The following FBXW7 variants were observed in gnomAD, a reference collection of about 807,000 sequenced individuals.
FBXW7 encodes F-box and WD repeat domain containing 7, also known as F-box/WD repeat-containing protein 7.
FBXW7 carries 11 observed loss-of-function variants against 86.3 expected under a neutral mutation model. The observed-to-expected ratio is 0.13, with a 90% CI of 0.08 to 0.21. The LOEUF (loss-of-function observed/expected upper bound fraction) is 0.21. Among genes scored for constraint, FBXW7 ranks in the 10% least tolerant of loss-of-function variants. The pLI is 1.00. For synonymous variants in FBXW7, 313 were observed against 297.9 expected (o/e 1.05, Z -0.52); for missense variants, 488 against 847.4 (o/e 0.58, Z 5.27).
intron 2 of FBXW7, among the ~76,000 whole-genome samples, chr4:152,418,778 A>G (rs907488450): frequency 6.6e-6 from 1 of 152,168 alleles, no homozygotes; most frequent in African/African-American, 2.4e-5. Flanking sequence ...TTTTTTATTC[A>G]GCAAACAAGA....
Position 152,321,065 on chromosome 4 carries a change from T to C in FBXW7, c.*1816A>G, listed in dbSNP as rs1183546008. On this transcript the variant is annotated 3_prime_UTR_variant, in exon 14 of 14. Transcript: ENST00000281708. ...CAGTGGAGTGTCCTCCTTCATAGTC[T>C]AGGAGAGAAATAAAATTTGCAGTTG... is the stretch of plus-strand genomic sequence containing the variant. 2 of 178,842 alleles carry C rather than the reference T, an allele frequency of 1.1e-5. No homozygotes were observed. The highest frequency in any genetic ancestry group is 2.4e-5 in the Non-Finnish European group (2 of 83,620). The allele number at this position is 178,842 out of a possible 1,614,324, so 11.1% of individuals were successfully genotyped here. A position where few individuals can be genotyped will look rare whatever the true frequency, so the allele number is the denominator to read the frequency against.
At chr4:152,525,935 G>A (rs1343806644) in intron 2 of FBXW7, among the ~76,000 whole-genome samples, 1 of 152,094 alleles carries the variant, frequency 6.6e-6, no homozygotes, top group Non-Finnish European at 1.5e-5. Flanking sequence ...GTATATAAGT[G>A]TTCCCTTTTC....
chr4:152,452,571 A>G (rs1020743691), intron 2 of FBXW7, among the ~76,000 whole-genome samples: 26 of 152,230 alleles, frequency 1.7e-4, no homozygotes, highest in Admixed American at 1.5e-3. Flanking sequence ...TAAGTAGTAG[A>G]ACAACTACAG....
chr4:152,322,592 G>A lies in FBXW7; in HGVS notation c.*289C>T, dbSNP rs1330365385. The A allele has an allele frequency of 7.6e-6, 3 of 395,884 alleles. No individual in the cohort carries two copies. The highest frequency in any genetic ancestry group is 2.0e-5 in the African/African-American group (1 of 50,206). 24.5% of individuals were successfully genotyped at this position (395,884 alleles called of 1,614,324 possible). On this transcript the variant is annotated 3_prime_UTR_variant, in exon 14 of 14. Coordinates refer to ENST00000281708, the MANE Select transcript of FBXW7 (RefSeq NM_001349798.2). ...TGGAGAAGAAAATAAAGAAATAATT[G>A]CACCTGGTTTGATTTAGAAAGTCTC...
intron 4 of FBXW7, among the ~76,000 whole-genome samples, chr4:152,356,618 ATT>A (rs1250548312): frequency 6.6e-6 from 1 of 152,194 alleles, no homozygotes; most frequent in Non-Finnish European, 1.5e-5. Flanking sequence ...ACAGTTCAAA[ATT>A]TCAACATCAA....
intron 13 of FBXW7, 34 bp from the exon 14 acceptor site, chr4:152,323,183 T>C (rs1728698124): frequency 5.6e-6 from 9 of 1,600,876 alleles, no homozygotes; most frequent in Non-Finnish European, 7.7e-6. Flanking sequence ...AATTACTGGT[T>C]AGAAATAATG....
intron 4 of FBXW7, among the ~76,000 whole-genome samples, chr4:152,397,695 C>CAAAAAAAAAAAAAA (rs397995836): frequency 3.3e-5 from 2 of 60,406 alleles, no homozygotes; most frequent in African/African-American, 1.1e-4. Context: ...CCTAAGAAGC[C>CAAAAAAAAAAAAAA]AAAAAAAAAA....
chr4:152,460,224 A>G (rs1742817926), intron 2 of FBXW7, among the ~76,000 whole-genome samples: 1 of 152,228 alleles, frequency 6.6e-6, no homozygotes, highest in Non-Finnish European at 1.5e-5. Flanking sequence ...TACCATGTTC[A>G]TAAGTTAGAA....
intron 2 of FBXW7, among the ~76,000 whole-genome samples, chr4:152,441,293 A>G (rs1460497787): frequency 6.6e-6 from 1 of 152,108 alleles, no homozygotes; most frequent in Non-Finnish European, 1.5e-5. Context: ...ATCATTTCTA[A>G]GACTATTAAT....
intron 2 of FBXW7, among the ~76,000 whole-genome samples, chr4:152,505,837 G>C (rs1377518503): frequency 6.6e-6 from 1 of 151,594 alleles, no homozygotes; most frequent in African/African-American, 2.4e-5. Flanking sequence ...TGCCTCCCAG[G>C]TTCAAGCAAT....
At chr4:152,455,941 A>G (rs930249998) in intron 2 of FBXW7, among the ~76,000 whole-genome samples, 4 of 152,196 alleles carry the variant, frequency 2.6e-5, no homozygotes, top group Non-Finnish European at 5.9e-5. Flanking sequence ...AAGTTTGTGG[A>G]GCCATATCAG....
At chr4:152,456,542 A>C (rs1016593067) in intron 2 of FBXW7, among the ~76,000 whole-genome samples, 1 of 152,096 alleles carries the variant, frequency 6.6e-6, no homozygotes, top group African/African-American at 2.4e-5. Flanking sequence ...ACTCAAAATA[A>C]ATAAATCAAT....
rs545716054 is a variant in FBXW7 at position 152,445,740 on chromosome 4, T to A, written c.-119-33211A>T. ...CTGGGCAACATGGCAGAACCCCATC[T>A]CTATTAAACATACAAAAAAATTAGC... On this transcript the variant is annotated intron_variant, in intron 2 of 13. Transcript: ENST00000281708. Among the ~76,000 whole-genome samples the A allele has an allele frequency of 4.6e-5, 7 of 151,946 alleles. No individual in the cohort carries two copies. In the South Asian group the frequency reaches 1.5e-3, roughly 32 times the overall value.
chr4:152,337,977 G>A (rs1171637552), intron 6 of FBXW7, 41 bp from the exon 7 acceptor site: 1 of 1,570,490 alleles, frequency 6.4e-7, no homozygotes, highest in Non-Finnish European at 8.6e-7. Flanking sequence ...TTTAACAGAT[G>A]TCCCAAATTA....
intron 2 of FBXW7, among the ~76,000 whole-genome samples, chr4:152,451,053 T>C (rs1389279145): frequency 6.6e-6 from 1 of 152,222 alleles, no homozygotes; most frequent in Non-Finnish European, 1.5e-5. Context: ...GATTCTTAGG[T>C]TGCAGATAGA....
chr4:152,469,503 A>C (rs1022996269), intron 2 of FBXW7, among the ~76,000 whole-genome samples: 1 of 152,110 alleles, frequency 6.6e-6, no homozygotes, highest in Non-Finnish European at 1.5e-5. Context: ...AAATGCATAG[A>C]CCCTGACCAC....
At position 152,322,855 on chromosome 4, in the gene FBXW7, T is replaced by G. The variant is rs550796545; in HGVS notation, c.*26A>C. The G allele has an allele frequency of 6.2e-7, 1 of 1,612,274 alleles. No homozygotes were observed. Among genetic ancestry groups the G allele is most frequent in the Non-Finnish European group, 8.5e-7 (1 of 1,178,670 alleles). On this transcript the variant is annotated 3_prime_UTR_variant, in exon 14 of 14. Coordinates refer to ENST00000281708, the MANE Select transcript of FBXW7 (RefSeq NM_001349798.2). ...GGCAGGGAGTATATCGTCTACACAA[T>G]TGGACAAATTCATCTTTTCTGCTCT...
chr4:152,526,107 G>A (rs1749485156), intron 2 of FBXW7, among the ~76,000 whole-genome samples: 1 of 152,168 alleles, frequency 6.6e-6, no homozygotes, highest in East Asian at 1.9e-4. Context: ...TCTGAGAAGT[G>A]TCTATTCACG....
intron 4 of FBXW7, among the ~76,000 whole-genome samples, chr4:152,368,565 A>C (rs1210792502): frequency 6.6e-6 from 1 of 152,106 alleles, no homozygotes; most frequent in African/African-American, 2.4e-5. Context: ...CTCAATTCTT[A>C]TGTAGTAATG....
Sources: gnomAD v4.1 joint callset for allele counts (sites outside exome capture counted in the v4.1 genomes callset) on GRCh38, gnomAD v4.1.1 for gene constraint, MANE v1.5 for transcripts, NCBI Gene and HGNC (gene_info 2026-07-23, HGNC 2026-07-21) for gene names.